PTGER3: variants seen among roughly 807,000 people sequenced by gnomAD.
PTGER3 encodes the protein prostaglandin E2 receptor EP3 subtype.
In PTGER3, 22 loss-of-function variants were observed where a neutral mutation model predicts 34.7. The ratio of observed to expected loss-of-function variants is 0.63; its 90% confidence interval spans 0.45 to 0.91. PTGER3 has a LOEUF of 0.91. PTGER3 is among the 40% of genes least tolerant of loss of function. The probability of loss-of-function intolerance (pLI) is 0.00; values close to 1 mark genes in which losing one functional copy is unlikely to be tolerated. For synonymous variants in PTGER3, 241 were observed against 230.1 expected (o/e 1.05, Z -0.43); for missense variants, 468 against 519.4 (o/e 0.90, Z 0.96).
intron 4 of PTGER3, among the ~76,000 whole-genome samples, chr1:70,890,982 G>C (rs4147114): frequency 0.34 from 52,231 of 152,022 alleles, 10,142 homozygotes; most frequent in African/African-American, 0.49. Flanking sequence ...TTGACATGCT[G>C]TCCTCTCTGG....
intron 1 of PTGER3, among the ~76,000 whole-genome samples, chr1:71,045,138 G>C (rs1660646810): frequency 7.9e-5 from 12 of 152,164 alleles, no homozygotes; most frequent in Admixed American, 7.9e-4. Context: ...TGGGCAGTTA[G>C]GTCTCAGCAT....
chr1:70,889,452 TG>T (rs1646570556), intron 4 of PTGER3, among the ~76,000 whole-genome samples: 2 of 151,910 alleles, frequency 1.3e-5, no homozygotes, highest in Non-Finnish European at 2.9e-5. Context: ...TCTCTGTTTT[TG>T]TTGGCTTATG....
intron 2 of PTGER3, among the ~76,000 whole-genome samples, chr1:70,993,817 AC>A (rs1298028424): frequency 1.3e-5 from 2 of 152,198 alleles, no homozygotes; most frequent in Non-Finnish European, 2.9e-5. Context: ...TGATGGAGAA[AC>A]TGCAGTCTAG....
chr1:70,922,839 G>T (rs1432893176), intron 4 of PTGER3, among the ~76,000 whole-genome samples: 1 of 152,210 alleles, frequency 6.6e-6, no homozygotes, highest in African/African-American at 2.4e-5. Flanking sequence ...TATGCAAGTT[G>T]TGGAAGGTTT....
intron 2 of PTGER3, among the ~76,000 whole-genome samples, chr1:70,993,278 C>T (rs978090821): frequency 3.3e-5 from 5 of 152,174 alleles, no homozygotes; most frequent in African/African-American, 1.2e-4. Context: ...AAAGGGAAAA[C>T]TTCTAGAGAG....
rs59431299 is a variant in PTGER3 at position 70,935,672 on chromosome 1, A to ATATATATATAT, written c.*23+18090_*23+18091insATATATATATA. Reference sequence around the variant, plus strand: ...TGTTGGTACTAAGGATACAAATATAAATATATATATATATATATATATGTT... The same window carrying ATATATATATAT: ...TGTTGGTACTAAGGATACAAATATAATATATATATATATATATATATATATATATATATGTT... On this transcript the variant is annotated intron_variant, in intron 4 of 4. Coordinates refer to the PTGER3 transcript ENST00000370931. Among the ~76,000 whole-genome samples, 488 of 140,186 alleles carry ATATATATATAT rather than the reference A, an allele frequency of 3.5e-3. 9 individuals are homozygous for ATATATATATAT. Among genetic ancestry groups the ATATATATATAT allele is most frequent in the African/African-American group, 8.5e-3 (310 of 36,408 alleles). The allele number at this position is 140,186 out of a possible 152,430, so 92.0% of individuals were successfully genotyped here.
At chr1:71,011,002 TA>T in intron 2 of PTGER3, 2 of 985,700 alleles carry the variant, frequency 2.0e-6, no homozygotes, top group Non-Finnish European at 2.4e-6. Flanking sequence ...AATAAAAAGT[TA>T]ATGGGTTTAC....
chr1:70,929,631 A>G (rs994599426), intron 4 of PTGER3, among the ~76,000 whole-genome samples: 84 of 152,272 alleles, frequency 5.5e-4, no homozygotes, highest in African/African-American at 2.0e-3. Flanking sequence ...ATAATCCCCT[A>G]CCAAATTCCC....
exon 4 of PTGER3, chr1:70,952,820 C>A: frequency 7.1e-7 from 1 of 1,412,194 alleles, no homozygotes; most frequent in Non-Finnish European, 9.3e-7. Context: ...GGAAAGTGCT[C>A]AAAATAAGCA....
chr1:71,016,306 T>A (rs757490881), intron 1 of PTGER3, among the ~76,000 whole-genome samples: 3 of 152,250 alleles, frequency 2.0e-5, no homozygotes, highest in Admixed American at 6.5e-5. Flanking sequence ...CACATACATC[T>A]CTAACATCAG....
intron 4 of PTGER3, among the ~76,000 whole-genome samples, chr1:70,857,276 C>A (rs1681152587): frequency 6.6e-6 from 1 of 152,026 alleles, no homozygotes; most frequent in South Asian, 2.1e-4. Flanking sequence ...ATTTTCTTTT[C>A]ATTTCTGAAG....
intron 4 of PTGER3, among the ~76,000 whole-genome samples, chr1:70,885,485 T>C (rs1467839989): frequency 1.3e-5 from 2 of 152,108 alleles, no homozygotes; most frequent in African/African-American, 4.8e-5. Context: ...TGCAAAAAAT[T>C]TTGCATACAA....
chr1:70,930,731 G>C (rs1648603771), intron 4 of PTGER3, among the ~76,000 whole-genome samples: 1 of 152,100 alleles, frequency 6.6e-6, no homozygotes, highest in Admixed American at 6.6e-5. Flanking sequence ...AGAACAGCAT[G>C]AGGGAAACCG....
chr1:70,943,850 GA>G (rs1350747727), intron 4 of PTGER3, among the ~76,000 whole-genome samples: 23 of 46,420 alleles, frequency 5.0e-4, no homozygotes, highest in Admixed American at 4.9e-3. Context: ...GAGAGAGGGA[GA>G]GAGAGAGAGA....
chr1:71,009,552 T>C, intron 2 of PTGER3: 1 of 985,070 alleles, frequency 1.0e-6, no homozygotes, highest in Non-Finnish European at 1.2e-6. Flanking sequence ...ATGTGATCAT[T>C]CTTCTCTGTG....
chr1:71,010,684 G>A (rs1374342846), intron 2 of PTGER3: 2 of 983,666 alleles, frequency 2.0e-6, no homozygotes, highest in Non-Finnish European at 2.4e-6. Context: ...GGCATAGAGA[G>A]ATTTTAGTAT....
chr1:71,036,851 G>A (rs959001116), intron 1 of PTGER3, among the ~76,000 whole-genome samples: 1 of 146,116 alleles, frequency 6.8e-6, no homozygotes. Context: ...AAAAAAAAAA[G>A]AAAGGGAAAG....
At chr1:70,902,485 A>C (rs767749196) in intron 4 of PTGER3, among the ~76,000 whole-genome samples, 2 of 152,250 alleles carry the variant, frequency 1.3e-5, no homozygotes, top group Non-Finnish European at 2.9e-5. Context: ...ATGGAGAAGC[A>C]GACAGGTGCT....
downstream of PTGER3, among the ~76,000 whole-genome samples, chr1:70,948,035 G>A (rs1572726536): frequency 6.6e-6 from 1 of 152,258 alleles, no homozygotes; most frequent in Middle Eastern, 3.4e-3. Flanking sequence ...TGAGTGTGAT[G>A]AAATGGTAGA....
Sources: allele counts gnomAD v4.1 joint callset (sites outside exome capture counted in the v4.1 genomes callset), GRCh38; gene constraint gnomAD v4.1.1; transcripts MANE v1.5; gene names NCBI Gene and HGNC (gene_info 2026-07-23, HGNC 2026-07-21).